The following RRAGD variants were observed in gnomAD, a reference collection of about 807,000 sequenced individuals.
RRAGD encodes Ras related GTP binding D, also known as ras-related GTP-binding protein D.
In RRAGD, 12 loss-of-function variants were observed where a neutral mutation model predicts 35.5. That is an observed-to-expected ratio of 0.34 (90% CI 0.22 to 0.55). The LOEUF is 0.55. Ranked by LOEUF, RRAGD falls within the 20% of genes least tolerant of loss-of-function variation. The pLI, the probability that RRAGD is intolerant of heterozygous loss-of-function variation, is 0.91. For missense variants in RRAGD, 324 were observed against 490.1 expected (o/e 0.66, Z 3.20); for synonymous variants, 155 against 178.9 (o/e 0.87, Z 1.07).
In RRAGD at chr6:89,367,886, CTTACT is replaced by C. The variant is rs763799144; in HGVS notation, c.*165_*169del. ...ATATACAAGTTTTTGCTTCAAAGTG[CTTACT>C]TTATTTATAAAAGAGAAGATCAAGA... On this transcript the variant is annotated 3_prime_UTR_variant, in exon 7 of 7. Transcript: ENST00000369415. The C allele has an allele frequency of 1.6e-5, 8 of 505,498 alleles. No homozygotes were observed. Among genetic ancestry groups the C allele is most frequent in the Non-Finnish European group, 2.6e-5 (8 of 305,136 alleles). The allele number at this position is 505,498 out of a possible 1,614,324, so 31.3% of individuals were successfully genotyped here. A position where few individuals can be genotyped will look rare whatever the true frequency, so the allele number is the denominator to read the frequency against.
At chr6:89,392,480 GA>G (rs35934225) in intron 1 of RRAGD, among the ~76,000 whole-genome samples, 70 of 142,058 alleles carry the variant, frequency 4.9e-4, no homozygotes, top group Middle Eastern at 3.9e-3. Flanking sequence ...ACCCTGTCTC[GA>G]AAAAAAAAAA....
chr6:89,373,259 T>C (rs1470435425), intron 5 of RRAGD, among the ~76,000 whole-genome samples: 1 of 152,230 alleles, frequency 6.6e-6, no homozygotes, highest in African/African-American at 2.4e-5. Flanking sequence ...CAGGAGTTCA[T>C]TTTACTACCC....
intron 5 of RRAGD, among the ~76,000 whole-genome samples, chr6:89,373,101 T>C (rs1441427976): frequency 6.6e-6 from 1 of 152,228 alleles, no homozygotes; most frequent in Non-Finnish European, 1.5e-5. Context: ...AATGTAGCCA[T>C]GCTAAATTTG....
chr6:89,379,234 A>C lies in RRAGD; in HGVS notation c.749T>G (p.Ile250Ser). The change falls in exon 4 of 7, where the codon ATC becomes AGC. Residue 250 changes from isoleucine to serine, a missense_variant. By Grantham distance (142) the Ile-to-Ser change is moderately radical (BLOSUM62 -2). Coordinates refer to ENST00000369415, the MANE Select transcript of RRAGD (RefSeq NM_021244.5). ...QLPTLENLLN[I>S]FISNSGIEKA... is the part of the protein sequence containing the mutation. The stretch of plus-strand genomic sequence containing the variant: ...ATATTATTTACTTACTGAGATAAAG[A>C]TGTTCAGCAAATTCTCCAGAGTTGG... 6.4e-7 allele frequency: 1 copy of C among 1,564,254 alleles called. No homozygotes were observed. The highest frequency in any genetic ancestry group is 8.8e-7 in the Non-Finnish European group (1 of 1,140,316).
chr6:89,403,559 T>C (rs943788082), intron 1 of RRAGD, among the ~76,000 whole-genome samples: 43 of 152,138 alleles, frequency 2.8e-4, no homozygotes, highest in African/African-American at 1.0e-3. Context: ...CAAAGTGTTC[T>C]TTATCTGGGG....
At chr6:89,384,684 G>C (rs796509862) in intron 2 of RRAGD, among the ~76,000 whole-genome samples, 1 of 151,734 alleles carries the variant, frequency 6.6e-6, no homozygotes, top group South Asian at 2.1e-4. Flanking sequence ...GTGTGGTGGC[G>C]GGCGCCTGCA....
intron 1 of RRAGD, among the ~76,000 whole-genome samples, chr6:89,401,765 G>T (rs140472546): frequency 6.6e-6 from 1 of 152,038 alleles, no homozygotes; most frequent in African/African-American, 2.4e-5. Flanking sequence ...GCTAAATCAG[G>T]CACTATCACT....
Position 89,387,431 on chromosome 6 carries a change from T to C in RRAGD, c.308A>G (p.Glu103Gly). 1 of 1,614,144 alleles carries C rather than the reference T, an allele frequency of 6.2e-7. No homozygotes were observed. Among genetic ancestry groups the C allele is most frequent in the Non-Finnish European group, 8.5e-7 (1 of 1,180,016 alleles). Reference sequence around the variant, plus strand: ...GACAAAGGAGCTGTTGGAAACATCTTCCCGGCATATCTTATTAGTGCTCTC... The same window carrying C: ...GACAAAGGAGCTGTTGGAAACATCTCCCCGGCATATCTTATTAGTGCTCTC... Reference protein sequence around the residue: ...FLESTNKICREDVSNSSFVNF... With the variant: ...FLESTNKICRGDVSNSSFVNF... Residue 103 changes from glutamate (E) to glycine (G), a missense_variant, in exon 2 of 7, where the codon GAA becomes GGA. Around this residue, in one of 5 missense-constraint regions of RRAGD, gnomAD observed 152 missense variants for 296.9 expected, o/e 0.51. Coordinates refer to ENST00000369415, the MANE Select transcript of RRAGD (RefSeq NM_021244.5).
At chr6:89,380,101 G>T (rs1229305927) in intron 3 of RRAGD, 67 bp downstream of exon 3, 2 of 1,436,766 alleles carry the variant, frequency 1.4e-6, no homozygotes, top group Non-Finnish European at 2.0e-6. Context: ...CAATCATGGT[G>T]ACTCCGAACC....
intron 1 of RRAGD, among the ~76,000 whole-genome samples, chr6:89,407,731 G>A (rs1769610573): frequency 6.6e-6 from 1 of 152,160 alleles, no homozygotes; most frequent in Non-Finnish European, 1.5e-5. Flanking sequence ...ACTATGGGCT[G>A]GGGGAGGATT....
At position 89,380,323 on chromosome 6, in the gene RRAGD, GGTCA is replaced by G; in HGVS notation, c.485_488del (p.Val162AlafsTer6). On this transcript the variant is annotated frameshift_variant, in exon 3 of 7. Coordinates refer to ENST00000369415, the MANE Select transcript of RRAGD (RefSeq NM_021244.5). LOFTEE classifies it high-confidence loss of function. ...TGTCAGTATTCACTTTGTAGGCCCT[GGTCA>G]CCGTGAGGTGGAGCCTGGCCAGGGC... is the stretch of plus-strand genomic sequence containing the variant. 1 of 1,614,220 alleles carries G rather than the reference GGTCA, an allele frequency of 6.2e-7. No homozygotes were observed. The highest frequency in any genetic ancestry group is 8.5e-7 in the Non-Finnish European group (1 of 1,180,032).
intron 5 of RRAGD, 52 bp downstream of exon 5, chr6:89,377,619 G>T: frequency 1.3e-5 from 19 of 1,456,092 alleles, no homozygotes; most frequent in Non-Finnish European, 1.6e-5. Flanking sequence ...ATGCCTGAAA[G>T]GTTATGAAGG....
chr6:89,408,469 T>C (rs1218250888), intron 1 of RRAGD, among the ~76,000 whole-genome samples: 4 of 152,260 alleles, frequency 2.6e-5, no homozygotes, highest in African/African-American at 9.6e-5. Flanking sequence ...GCCTAGGCAA[T>C]ATAGAGAGAC....
intron 3 of RRAGD, 22 bp downstream of exon 3, chr6:89,380,146 C>T (rs201158141): frequency 6.2e-7 from 1 of 1,611,980 alleles, no homozygotes; most frequent in East Asian, 2.2e-5. Context: ...TATTGGGATC[C>T]TTAAGGGGTT....
chr6:89,405,195 T>A (rs910696072), intron 1 of RRAGD, among the ~76,000 whole-genome samples: 3 of 150,558 alleles, frequency 2.0e-5, no homozygotes, highest in Non-Finnish European at 3.0e-5. Context: ...CTAAAAAAAA[T>A]ACAAAAAAAT....
Position 89,367,480 on chromosome 6 carries a change from C to A in RRAGD, c.*576G>T, listed in dbSNP as rs1768775876. 6.6e-6 allele frequency: 1 copy of A among 152,218 alleles called. No homozygotes were observed. The highest frequency in any genetic ancestry group is 2.4e-5 in the African/African-American group (1 of 41,448). 9.4% of individuals were successfully genotyped at this position (152,218 alleles called of 1,614,324 possible). ...TAGCATTATTCTACAAAACTGTTTACACCCATTATAAATAGGGGACAGTTC... is the reference window on the plus strand; with the variant it reads ...TAGCATTATTCTACAAAACTGTTTAAACCCATTATAAATAGGGGACAGTTC... On this transcript the variant is annotated 3_prime_UTR_variant, in exon 7 of 7. Coordinates refer to ENST00000369415, the MANE Select transcript of RRAGD (RefSeq NM_021244.5).
At chr6:89,383,225 C>T (rs1769080167) in intron 2 of RRAGD, among the ~76,000 whole-genome samples, 1 of 152,170 alleles carries the variant, frequency 6.6e-6, no homozygotes, top group Admixed American at 6.5e-5. Flanking sequence ...TTATTGCTGT[C>T]TTTAACTGAG....
At chr6:89,382,003 T>TC (rs1176343768) in intron 2 of RRAGD, among the ~76,000 whole-genome samples, 1 of 149,692 alleles carries the variant, frequency 6.7e-6, no homozygotes, top group African/African-American at 2.5e-5. Flanking sequence ...TGTGAACAGG[T>TC]CTTGTTTTTA....
intron 2 of RRAGD, among the ~76,000 whole-genome samples, chr6:89,382,430 A>G (rs1304746980): frequency 1.9e-5 from 2 of 105,112 alleles, no homozygotes; most frequent in African/African-American, 9.9e-5. Context: ...TATGTAATTA[A>G]CCAGACTTGG....
Sources: allele counts gnomAD v4.1 joint callset (sites outside exome capture counted in the v4.1 genomes callset), GRCh38; gene constraint gnomAD v4.1.1; regional missense constraint gnomAD v4.1.1; transcripts MANE v1.5; gene names NCBI Gene and HGNC (gene_info 2026-07-23, HGNC 2026-07-21).